The following FAM78B variants were observed in gnomAD, a reference collection of about 807,000 sequenced individuals.
FAM78B encodes family with sequence similarity 78 member B.
In FAM78B, 10 loss-of-function variants were observed where a neutral mutation model predicts 20.0. The ratio of observed to expected loss-of-function variants is 0.50; its 90% CI spans 0.31 to 0.85. The LOEUF (loss-of-function observed/expected upper bound fraction) is 0.85. Among genes scored for constraint, FAM78B ranks in the 40% least tolerant of loss-of-function variants. The pLI is 0.05. For missense variants in FAM78B, 283 were observed against 345.0 expected, an observed-to-expected ratio of 0.82 and a Z score of 1.42; for synonymous variants, 135 against 132.8, an observed-to-expected ratio of 1.02 and a Z score of -0.12.
At chr1:166,151,310 T>C (rs923698094) in intron 1 of FAM78B, among the ~76,000 whole-genome samples, 1 of 152,214 alleles carries the variant, frequency 6.6e-6, no homozygotes, top group Admixed American at 6.5e-5. Flanking sequence ...TGTTTTTGCT[T>C]TTTGAGGATG....
At chr1:166,115,286 C>T (rs1238128653) in intron 1 of FAM78B, among the ~76,000 whole-genome samples, 1 of 152,198 alleles carries the variant, frequency 6.6e-6, no homozygotes, top group Non-Finnish European at 1.5e-5. Flanking sequence ...GCAGAGATGG[C>T]CTCTTTGAGA....
intron 1 of FAM78B, among the ~76,000 whole-genome samples, chr1:166,160,302 C>T (rs1656095394): frequency 6.6e-6 from 1 of 152,228 alleles, no homozygotes; most frequent in Admixed American, 6.5e-5. Flanking sequence ...AGGCCTTTAG[C>T]CTTCTCCTCC....
chr1:166,147,517 T>C (rs1655506301), intron 1 of FAM78B, among the ~76,000 whole-genome samples: 1 of 152,196 alleles, frequency 6.6e-6, no homozygotes, highest in East Asian at 1.9e-4. Flanking sequence ...TGTCAAGGTG[T>C]TTTTATGGGT....
intron 1 of FAM78B, among the ~76,000 whole-genome samples, chr1:166,089,639 G>A (rs994629647): frequency 6.6e-6 from 1 of 152,090 alleles, no homozygotes; most frequent in African/African-American, 2.4e-5. Flanking sequence ...GCAGCCTTGT[G>A]ATGGAGTTTT....
chr1:166,066,765 T>C (rs1651809593), downstream of FAM78B, among the ~76,000 whole-genome samples: 2 of 151,386 alleles, frequency 1.3e-5, no homozygotes, highest in South Asian at 4.2e-4. Context: ...TATGAGATTA[T>C]CATTCCAGCA....
chr1:166,151,810 G>C (rs1380583355), intron 1 of FAM78B, among the ~76,000 whole-genome samples: 1 of 152,110 alleles, frequency 6.6e-6, no homozygotes, highest in African/African-American at 2.4e-5. Flanking sequence ...CAACAGATAG[G>C]GTTTCCGCAA....
At chr1:166,057,786 C>T (rs1458519697) in exon 3 of FAM78B, 2 of 152,074 alleles carry the variant, frequency 1.3e-5, no homozygotes, top group East Asian at 3.9e-4. Flanking sequence ...GCAGAGAGGA[C>T]ACGTACAAGT....
At chr1:166,109,890 G>GTATATGTGTATGTA (rs1653970010) in intron 1 of FAM78B, among the ~76,000 whole-genome samples, 1 of 23,192 alleles carries the variant, frequency 4.3e-5, no homozygotes, top group Admixed American at 6.8e-4. Context: ...ATGTATATAT[G>GTATATGTGTATGTA]TATATATATA....
At chr1:166,104,105 C>T (rs1016610115) in intron 1 of FAM78B, among the ~76,000 whole-genome samples, 3 of 152,200 alleles carry the variant, frequency 2.0e-5, no homozygotes, top group African/African-American at 4.8e-5. Context: ...ACAAAAACCA[C>T]ATGATTATCT....
chr1:166,115,710 C>T (rs570035317), intron 1 of FAM78B, among the ~76,000 whole-genome samples: 8 of 152,166 alleles, frequency 5.3e-5, no homozygotes, highest in East Asian at 3.9e-4. Context: ...GCATTTGGAG[C>T]GGCTGAGGGC....
At chr1:166,099,948 CA>C (rs955909116) in intron 1 of FAM78B, among the ~76,000 whole-genome samples, 2 of 152,128 alleles carry the variant, frequency 1.3e-5, no homozygotes, top group African/African-American at 4.8e-5. Flanking sequence ...ACAACAGCCG[CA>C]GAATACAGAT....
intron 1 of FAM78B, among the ~76,000 whole-genome samples, chr1:166,104,850 A>G (rs1211449532): frequency 6.6e-6 from 1 of 152,214 alleles, no homozygotes; most frequent in Non-Finnish European, 1.5e-5. Flanking sequence ...ATTGGAAAAA[A>G]CTACTTTAAA....
chr1:166,138,147 G>T (rs777921107), intron 1 of FAM78B, among the ~76,000 whole-genome samples: 4 of 152,162 alleles, frequency 2.6e-5, no homozygotes, highest in Non-Finnish European at 5.9e-5. Context: ...ACGGCAGTAG[G>T]ACCTAGAGGG....
intron 1 of FAM78B, among the ~76,000 whole-genome samples, chr1:166,097,777 T>C (rs375350724): frequency 2.0e-5 from 3 of 147,782 alleles, no homozygotes; most frequent in East Asian, 4.1e-4. Context: ...CGCCCCCACC[T>C]GATGGTCCTT....
At chr1:166,148,362 T>C (rs1438454396) in intron 1 of FAM78B, among the ~76,000 whole-genome samples, 1 of 152,206 alleles carries the variant, frequency 6.6e-6, no homozygotes, top group East Asian at 1.9e-4. Flanking sequence ...AGGTGAAGCA[T>C]CTATATAAGC....
In FAM78B at chr1:166,166,441, C is replaced by A. The variant is rs1656394045; in HGVS notation, c.-193G>T. The A allele has an allele frequency of 3.5e-6, 1 of 284,666 alleles. No individual in the cohort carries two copies. Among genetic ancestry groups the A allele is most frequent in the African/African-American group, 2.3e-5 (1 of 43,844 alleles). The allele number at this position is 284,666 out of a possible 1,614,324, so 17.6% of individuals were successfully genotyped here. A position where few individuals can be genotyped will look rare whatever the true frequency, so the allele number is the denominator to read the frequency against. ...CTCTTGCAGCCGCGCGGGGTCCCCGCTGCCCCGACGTCCGCCCACGCCCGC... is the reference window on the plus strand; with the variant it reads ...CTCTTGCAGCCGCGCGGGGTCCCCGATGCCCCGACGTCCGCCCACGCCCGC... On this transcript the variant is annotated 5_prime_UTR_variant, in exon 1 of 2. Transcript: ENST00000354422.
In FAM78B at chr1:166,166,074, G is replaced by C. The variant is rs1656365808; in HGVS notation, c.175C>G (p.Pro59Ala). 1.2e-6 allele frequency: 2 copies of C among 1,613,954 alleles called. No individual in the cohort carries two copies. The highest frequency in any genetic ancestry group is 1.7e-6 in the Non-Finnish European group (2 of 1,179,998). The change falls in exon 1 of 2, where the codon CCC becomes GCC. Residue 59 changes from proline (P) to alanine (A), a missense_variant. Coordinates refer to ENST00000354422, the MANE Select transcript of FAM78B (RefSeq NM_001017961.5). ...FKASARVVMP[P>A]IPRHETWVVG... ...ACCCAGGTCTCGTGGCGGGGGATGG[G>C]GGGCATGACCACGCGGGCGGAGGCT...
intron 1 of FAM78B, among the ~76,000 whole-genome samples, chr1:166,165,339 C>G (rs1327501530): frequency 6.6e-6 from 1 of 152,230 alleles, no homozygotes; most frequent in East Asian, 1.9e-4. Flanking sequence ...GGGACGCACT[C>G]GGTGCCTTCC....
At chr1:166,163,471 A>G (rs1656238384) in intron 1 of FAM78B, among the ~76,000 whole-genome samples, 1 of 152,134 alleles carries the variant, frequency 6.6e-6, no homozygotes, top group African/African-American at 2.4e-5. Context: ...TATGTTGTGG[A>G]TTTCCTCTGG....
Sources: gnomAD v4.1 joint callset for allele counts (sites outside exome capture counted in the v4.1 genomes callset) on GRCh38, gnomAD v4.1.1 for gene constraint, MANE v1.5 for transcripts, NCBI Gene and HGNC (gene_info 2026-07-23, HGNC 2026-07-21) for gene names.